LOXHD1: variants seen among roughly 807,000 people sequenced by gnomAD.
LOXHD1 encodes the protein lipoxygenase homology domain-containing protein 1.
LOXHD1 carries 205 observed loss-of-function variants against 248.2 expected under a neutral mutation model. That is an observed-to-expected ratio of 0.83 (90% CI 0.74 to 0.93). LOXHD1 has a LOEUF of 0.93. LOXHD1 is among the 40% of genes least tolerant of loss of function. LOXHD1 has a pLI of 0.00. For synonymous variants in LOXHD1, 1,113 were observed against 1,162.8 expected (o/e 0.96, Z 0.87); for missense variants, 2,930 against 2,971.6 (o/e 0.99, Z 0.33).
intron 4 of LOXHD1, among the ~76,000 whole-genome samples, chr18:46,626,011 A>G (rs1255232261): frequency 6.6e-6 from 1 of 152,158 alleles, no homozygotes; most frequent in African/African-American, 2.4e-5. Flanking sequence ...GCCTTCCTGG[A>G]GGGCAGGTGA....
intron 13 of LOXHD1, among the ~76,000 whole-genome samples, chr18:46,578,660 A>G (rs757922889): frequency 1.2e-4 from 18 of 152,142 alleles, no homozygotes; most frequent in Non-Finnish European, 1.9e-4. Context: ...TGACCTCACC[A>G]AGGAAGTCGT....
chr18:46,562,662 G>T (rs1015954138), intron 18 of LOXHD1, among the ~76,000 whole-genome samples: 1 of 152,188 alleles, frequency 6.6e-6, no homozygotes, highest in Admixed American at 6.5e-5. Context: ...TGCAGCCTTA[G>T]TGTCATCTTT....
chr18:46,649,296 T>C, intron 1 of LOXHD1, 27 bp from the exon 2 acceptor site: 1 of 1,534,568 alleles, frequency 6.5e-7, no homozygotes, highest in African/African-American at 1.4e-5. Context: ...GGAGACAGAT[T>C]GCAGGCTCAG....
chr18:46,533,586 T>G (rs1205656439), intron 27 of LOXHD1: 1 of 439,584 alleles, frequency 2.3e-6, no homozygotes, highest in Non-Finnish European at 4.1e-6. Flanking sequence ...TCCTGGAGAC[T>G]CAGATTCAGT....
intron 4 of LOXHD1, among the ~76,000 whole-genome samples, chr18:46,635,419 G>A (rs150218516): frequency 1.1e-4 from 17 of 152,248 alleles, no homozygotes; most frequent in Admixed American, 2.0e-4. Flanking sequence ...CAAGGGGCAG[G>A]CAGAAAGCAA....
At chr18:46,630,351 C>T (rs1365922051) in intron 4 of LOXHD1, among the ~76,000 whole-genome samples, 2 of 152,162 alleles carry the variant, frequency 1.3e-5, no homozygotes, top group Middle Eastern at 3.2e-3. Flanking sequence ...CAGTGCTTTT[C>T]GAAGTAGGAG....
chr18:46,611,824 T>G (rs192675919), intron 5 of LOXHD1, among the ~76,000 whole-genome samples: 72 of 152,326 alleles, frequency 4.7e-4, no homozygotes, highest in African/African-American at 1.6e-3. Context: ...ATCTCTTCCC[T>G]TCTACTCCTT....
chr18:46,576,206 T>A (rs2144123550), intron 14 of LOXHD1, among the ~76,000 whole-genome samples: 1 of 152,336 alleles, frequency 6.6e-6, no homozygotes, highest in East Asian at 1.9e-4. Context: ...AAATATATTT[T>A]GAGTAGATAG....
rs1453952589 is a variant in LOXHD1, at chr18:46,577,852, T to C, written c.1825A>G (p.Ile609Val). ...ACATTCCGCATGGTGACAGACTCGA[T>C]AGTGAACTCGTCAGCCTTGTGGGGG... The part of the protein sequence containing the change: ...FEKGNADEFT[I>V]ESVTMRNVRR... The change falls in exon 14 of 41, where the codon ATC becomes GTC. Residue 609 changes from isoleucine (I) to valine (V), a missense_variant. By Grantham distance (29) the Ile-to-Val change is conservative. Transcript: ENST00000642948. The C allele has an allele frequency of 1.2e-5, 19 of 1,551,512 alleles. No individual in the cohort carries two copies. Among genetic ancestry groups the C allele is most frequent in the Middle Eastern group, 1.7e-4 (1 of 6,014 alleles).
intron 3 of LOXHD1, among the ~76,000 whole-genome samples, chr18:46,640,896 C>A (rs182226556): frequency 5.3e-5 from 8 of 152,164 alleles, no homozygotes; most frequent in African/African-American, 1.9e-4. Context: ...CCCTGTGAGG[C>A]TTTATCCTTG....
chr18:46,601,407 T>G lies in LOXHD1; in HGVS notation c.944A>C (p.Lys315Thr). ...GGCCCCATACATGACCAAGTAGATT[T>G]TGGATTTGGTACCAGCCCCCCGGAC... is the stretch of plus-strand genomic sequence containing the variant. ...GDVRGAGTKS[K>T]IYLVMYGARG... The change falls in exon 8 of 41, where the codon AAA (lysine) becomes ACA (threonine). Residue 315 changes from lysine to threonine, a missense_variant. Lys to Thr is a moderately conservative substitution (Grantham distance 78, BLOSUM62 -1). Transcript: ENST00000642948. 6.4e-7 allele frequency: 1 copy of G among 1,551,698 alleles called. No homozygotes were observed. Among genetic ancestry groups the G allele is most frequent in the Non-Finnish European group, 8.7e-7 (1 of 1,146,990 alleles).
chr18:46,520,919 A>G (rs2035544841), intron 33 of LOXHD1, among the ~76,000 whole-genome samples, 178 bp downstream of exon 33: 1 of 152,220 alleles, frequency 6.6e-6, no homozygotes, highest in African/African-American at 2.4e-5. Context: ...GCAGACCAGA[A>G]GAGAGTTCAG....
At chr18:46,545,053 A>C (rs1201917170) in intron 23 of LOXHD1, 1 of 501,454 alleles carries the variant, frequency 2.0e-6, no homozygotes, top group Admixed American at 2.9e-5. Flanking sequence ...ATTTCATTGA[A>C]AGTTGGGCAA....
chr18:46,592,395 C>T, intron 11 of LOXHD1, 103 bp downstream of exon 11: 1 of 998,814 alleles, frequency 1.0e-6, no homozygotes, highest in Non-Finnish European at 1.5e-6. Flanking sequence ...AGTCCCTATT[C>T]ACAATAAATA....
At chr18:46,653,907 T>C (rs1194800417) in intron 1 of LOXHD1, among the ~76,000 whole-genome samples, 1 of 152,250 alleles carries the variant, frequency 6.6e-6, no homozygotes, top group Non-Finnish European at 1.5e-5. Context: ...ATTTACCTTA[T>C]AGGCATTCTT....
chr18:46,637,611 C>G (rs1161561783), intron 4 of LOXHD1, among the ~76,000 whole-genome samples: 1 of 152,122 alleles, frequency 6.6e-6, no homozygotes, highest in East Asian at 1.9e-4. Flanking sequence ...CTTTCTCTCT[C>G]TCTCTCATAC....
chr18:46,496,670 C>T (rs775231406), intron 37 of LOXHD1, among the ~76,000 whole-genome samples: 2 of 152,220 alleles, frequency 1.3e-5, no homozygotes, highest in African/African-American at 2.4e-5. Flanking sequence ...TTCTGTCTCC[C>T]TCCCCTGAAC....
At chr18:46,576,966 ACCCTTGAGGAG>A (rs940504013) in intron 14 of LOXHD1, among the ~76,000 whole-genome samples, 1 of 152,142 alleles carries the variant, frequency 6.6e-6, no homozygotes, top group African/African-American at 2.4e-5. Flanking sequence ...CAGTGTAGCT[ACCCTTGAGGAG>A]CCCTGGACCA....
At chr18:46,618,000 A>C (rs328130) in intron 5 of LOXHD1, among the ~76,000 whole-genome samples, 192 bp downstream of exon 5, 46,665 of 152,008 alleles carry the variant, frequency 0.31, 8,594 homozygotes, top group East Asian at 0.42. Context: ...TCACACACAT[A>C]AACTTTACAA....
Sources: gnomAD v4.1 joint callset for allele counts (sites outside exome capture counted in the v4.1 genomes callset) on GRCh38, gnomAD v4.1.1 for gene constraint, MANE v1.5 for transcripts, NCBI Gene and HGNC (gene_info 2026-07-23, HGNC 2026-07-21) for gene names.